Variants in SYCP2 observed in about 807,000 individuals in gnomAD.
The protein encoded by SYCP2 is synaptonemal complex protein 2, also known as synaptonemal complex lateral element protein.
In SYCP2, 55 loss-of-function variants were observed where a neutral mutation model predicts 211.3. The ratio of observed to expected loss-of-function variants is 0.26; its 90% CI spans 0.21 to 0.33. The LOEUF (loss-of-function observed/expected upper bound fraction) is 0.33. Among genes scored for constraint, SYCP2 ranks in the 10% least tolerant of loss-of-function variants. SYCP2 has a pLI of 1.00. For synonymous variants in SYCP2, 570 were observed against 555.2 expected (o/e 1.03, Z -0.37); for missense variants, 1,731 against 1,752.0 (o/e 0.99, Z 0.21).
chr20:59,899,310 C>T (rs565108554), intron 18 of SYCP2, among the ~76,000 whole-genome samples: 1 of 152,178 alleles, frequency 6.6e-6, no homozygotes, highest in Admixed American at 6.5e-5. Context: ...GAAATACAGA[C>T]AGATGCAGAT....
At chr20:59,901,346 G>T (rs1405800446) in intron 16 of SYCP2, among the ~76,000 whole-genome samples, 2 of 151,954 alleles carry the variant, frequency 1.3e-5, no homozygotes, top group African/African-American at 4.8e-5. Flanking sequence ...TTCTTCTGAT[G>T]TATCATGTGT....
At chr20:59,865,356 G>C (rs1460519871) in intron 44 of SYCP2, 32 bp downstream of exon 44, 1 of 1,547,478 alleles carries the variant, frequency 6.5e-7, no homozygotes. Context: ...ATTAAAGTAT[G>C]ATTATCCCAT....
At chr20:59,909,885 G>A (rs568172627) in intron 14 of SYCP2, among the ~76,000 whole-genome samples, 1 of 152,288 alleles carries the variant, frequency 6.6e-6, no homozygotes, top group Non-Finnish European at 1.5e-5. Flanking sequence ...ACTTTATATT[G>A]AGTAACCTGA....
chr20:59,896,652 C>T lies in SYCP2; in HGVS notation c.1405-124G>A, dbSNP rs143468803. On this transcript the variant is annotated intron_variant, in intron 18 of 44. Transcript: ENST00000357552. The stretch of plus-strand genomic sequence containing the variant: ...AGATATATGTTTTTTAAATAAACAA[C>T]ACAATATTCATAAATTTCCATGTTT... 6.9e-5 allele frequency: 39 copies of T among 562,194 alleles called. No homozygotes were observed. In the East Asian group the frequency reaches 1.0e-3, roughly 15 times the overall value. The allele number at this position is 562,194 out of a possible 1,614,324, so 34.8% of individuals were successfully genotyped here. A position where few individuals can be genotyped will look rare whatever the true frequency, so the allele number is the denominator to read the frequency against.
chr20:59,885,968 T>C lies in SYCP2; in HGVS notation c.2493-4A>G, dbSNP rs374201566. 1.3e-6 allele frequency: 2 copies of C among 1,597,366 alleles called. No homozygotes were observed. The highest frequency in any genetic ancestry group is 2.7e-5 in the African/African-American group (2 of 73,926). ...AACAGGTTTGTTTGAAAAACCACTGTAAAAAAAGATTTTGTCAAAATTGAA... is the reference window on the plus strand; with the variant it reads ...AACAGGTTTGTTTGAAAAACCACTGCAAAAAAAGATTTTGTCAAAATTGAA... On this transcript the variant is annotated splice_region_variant and splice_polypyrimidine_tract_variant and intron_variant, in intron 25 of 44. Transcript: ENST00000357552.
At chr20:59,879,858 T>TACAC (rs1479737255) in intron 31 of SYCP2, among the ~76,000 whole-genome samples, 89 of 116,682 alleles carry the variant, frequency 7.6e-4, no homozygotes, top group African/African-American at 2.8e-3. Flanking sequence ...TATATATATA[T>TACAC]ATATACACAC....
chr20:59,916,684 A>C (rs2060448829), intron 7 of SYCP2, 113 bp from the exon 8 acceptor site: 1 of 696,614 alleles, frequency 1.4e-6, no homozygotes, highest in South Asian at 1.7e-5. Flanking sequence ...TCAGGCCTAT[A>C]ATCCTAGCAC....
In SYCP2 at chr20:59,915,379, T is replaced by C. The variant is rs2145851116; in HGVS notation, c.599+86A>G. On this transcript the variant is annotated intron_variant, in intron 9 of 44. Coordinates refer to ENST00000357552, the MANE Select transcript of SYCP2 (RefSeq NM_014258.4). Reference sequence around the variant, plus strand: ...AAGCTGCAACAGTTTATCAGTTTCATTATTAATGCAAACTCATAGTTGTCT... The same window carrying C: ...AAGCTGCAACAGTTTATCAGTTTCACTATTAATGCAAACTCATAGTTGTCT... 4 of 1,056,338 alleles carry C rather than the reference T, an allele frequency of 3.8e-6. No homozygotes were observed. The South Asian group carries it at 4.3e-5, about 11-fold the overall frequency. The allele number at this position is 1,056,338 out of a possible 1,614,324, so 65.4% of individuals were successfully genotyped here.
intron 24 of SYCP2, among the ~76,000 whole-genome samples, chr20:59,890,537 T>TA (rs2059885327): frequency 6.6e-6 from 1 of 152,062 alleles, no homozygotes; most frequent in East Asian, 1.9e-4. Flanking sequence ...CCCCAGAACT[T>TA]AAAGTATAAT....
chr20:59,888,298 T>C (rs924087217), intron 24 of SYCP2, among the ~76,000 whole-genome samples: 1 of 152,070 alleles, frequency 6.6e-6, no homozygotes, highest in Non-Finnish European at 1.5e-5. Context: ...AAAAGAATTA[T>C]GCAACTATTA....
At chr20:59,919,870 T>C (rs2060508800) in intron 5 of SYCP2, among the ~76,000 whole-genome samples, 2 of 151,698 alleles carry the variant, frequency 1.3e-5, no homozygotes, top group Non-Finnish European at 3.0e-5. Context: ...GGTACGTTTA[T>C]TATAATAGAA....
At chr20:59,888,141 C>G (rs372662954) in intron 24 of SYCP2, among the ~76,000 whole-genome samples, 151 of 152,152 alleles carry the variant, frequency 9.9e-4, no homozygotes, top group African/African-American at 3.4e-3. Flanking sequence ...GTAGGAACTA[C>G]TTCCTAACTT....
At chr20:59,895,390 C>T (rs750832067) in intron 20 of SYCP2, 47 bp downstream of exon 20, 6 of 1,521,554 alleles carry the variant, frequency 3.9e-6, no homozygotes, top group Admixed American at 2.0e-5. Context: ...CATATTTCCA[C>T]AATTACTTGA....
At chr20:59,892,534 TG>T (rs1568940779) in intron 23 of SYCP2, 33 bp downstream of exon 23, 2 of 1,570,234 alleles carry the variant, frequency 1.3e-6, no homozygotes, top group Non-Finnish European at 1.7e-6. Flanking sequence ...AAATTAACAC[TG>T]AACTATTACA....
chr20:59,891,918 T>G, intron 24 of SYCP2, 72 bp downstream of exon 24: 1 of 1,311,796 alleles, frequency 7.6e-7, no homozygotes, highest in Non-Finnish European at 1.0e-6. Context: ...ATTAATCAAG[T>G]TTCTTTCTTT....
chr20:59,912,584 T>C (rs1193781936), intron 12 of SYCP2, among the ~76,000 whole-genome samples, 166 bp from the exon 13 acceptor site: 1 of 152,222 alleles, frequency 6.6e-6, no homozygotes, highest in Non-Finnish European at 1.5e-5. Flanking sequence ...ACATGTTTAG[T>C]GGACATTTAT....
chr20:59,872,360 G>A (rs922828785), intron 35 of SYCP2, among the ~76,000 whole-genome samples: 2 of 151,984 alleles, frequency 1.3e-5, no homozygotes, highest in Non-Finnish European at 2.9e-5. Context: ...CTACCTGCCT[G>A]TTAGTCAAGT....
In SYCP2 at chr20:59,873,990, G is replaced by A. The variant is rs1165193483; in HGVS notation, c.3421C>T (p.Pro1141Ser). The stretch of plus-strand genomic sequence containing the variant: ...AAGGATTCAAGTGATGAAGTTTTTG[G>A]ATAAGGTGATATAGATTTTGTTATG... ...DCITKSISPY[P>S]KTSSLESLNS... The change falls in exon 35 of 45, where the codon CCA becomes TCA. Residue 1141 changes from proline to serine, a missense_variant. Coordinates refer to ENST00000357552, the MANE Select transcript of SYCP2 (RefSeq NM_014258.4). 3.1e-6 allele frequency: 5 copies of A among 1,612,802 alleles called. No individual in the cohort carries two copies. Among genetic ancestry groups the A allele is most frequent in the Non-Finnish European group, 4.2e-6 (5 of 1,179,392 alleles).
At chr20:59,885,303 G>T (rs1368408783) in intron 26 of SYCP2, among the ~76,000 whole-genome samples, 2 of 152,048 alleles carry the variant, frequency 1.3e-5, no homozygotes, top group African/African-American at 4.8e-5. Context: ...AGCTGGTAGT[G>T]AATGTGATGT....
Sources: allele counts gnomAD v4.1 joint callset (sites outside exome capture counted in the v4.1 genomes callset), GRCh38; gene constraint gnomAD v4.1.1; transcripts MANE v1.5; gene names NCBI Gene and HGNC (gene_info 2026-07-23, HGNC 2026-07-21).